The following KDM6A variants were observed in gnomAD, a reference collection of about 807,000 sequenced individuals.
KDM6A encodes lysine demethylase 6A.
Under a neutral mutation model 117.6 loss-of-function variants are expected in KDM6A, and 11 were observed. The observed-to-expected ratio is 0.09, with a 90% confidence interval of 0.06 to 0.15. The LOEUF is 0.15. KDM6A is among the 10% of genes least tolerant of loss of function. The probability of loss-of-function intolerance (pLI) is 1.00; values close to 1 mark genes in which losing one functional copy is unlikely to be tolerated. For missense variants in KDM6A, 799 were observed against 1,077.3 expected (o/e 0.74, Z 3.62); for synonymous variants, 384 against 396.1 (o/e 0.97, Z 0.36).
intron 9 of KDM6A, among the ~76,000 whole-genome samples, chrX:45,052,370 G>GT (rs780831073): frequency 1.2e-3 from 130 of 111,384 alleles, no homozygotes; most frequent in Non-Finnish European, 2.2e-3. Flanking sequence ...TATTTGGGTT[G>GT]TTTTTTCAGT....
In KDM6A at chrX:44,874,930, C is replaced by T. The variant is rs2031336328; in HGVS notation, c.225+943C>T. On this transcript the variant is annotated intron_variant, in intron 2 of 29. Transcript: ENST00000611820. Reference sequence around the variant, plus strand: ...ATAGAATTCTTATACCTTTCATAAGCTTGGAAGCAGCATGCATAAGCCTGG... The same window carrying T: ...ATAGAATTCTTATACCTTTCATAAGTTTGGAAGCAGCATGCATAAGCCTGG... 2.7e-5 allele frequency among the ~76,000 whole-genome samples: 3 copies of T among 112,185 alleles called. No homozygotes were observed. In the South Asian group the frequency reaches 1.1e-3, roughly 41 times the overall value.
chrX:45,031,832 C>T (rs990827543), intron 6 of KDM6A, among the ~76,000 whole-genome samples: 2 of 111,037 alleles, frequency 1.8e-5, no homozygotes, highest in African/African-American at 6.6e-5. Flanking sequence ...ATAGATTTCT[C>T]CCCCCTCCCC....
At chrX:45,083,427 G>A in intron 23 of KDM6A, 33 bp from the exon 24 acceptor site, 1 of 1,191,743 alleles carries the variant, frequency 8.4e-7, no homozygotes, top group Non-Finnish European at 1.1e-6. Flanking sequence ...ATTTGTAGCA[G>A]AGTTTCACTT....
intron 4 of KDM6A, among the ~76,000 whole-genome samples, chrX:44,994,651 ACAAGG>A (rs2040779217): frequency 8.9e-6 from 1 of 111,967 alleles, no homozygotes; most frequent in South Asian, 3.7e-4. Context: ...TTAATTCTCA[ACAAGG>A]CAAGGTACTT....
intron 4 of KDM6A, among the ~76,000 whole-genome samples, chrX:44,977,994 T>G (rs2039697163): frequency 8.9e-6 from 1 of 112,106 alleles, no homozygotes; most frequent in African/African-American, 3.2e-5. Flanking sequence ...GTTGCCCAGT[T>G]TGAGATTTGT....
intron 25 of KDM6A, among the ~76,000 whole-genome samples, chrX:45,088,258 A>G (rs2045732345): frequency 8.9e-6 from 1 of 112,492 alleles, no homozygotes; most frequent in Non-Finnish European, 1.9e-5. Flanking sequence ...CAGTTAGGCT[A>G]CCATTTGCAC....
intron 28 of KDM6A, 91 bp downstream of exon 28, chrX:45,107,627 CT>C (rs1390542935): frequency 1.1e-6 from 1 of 914,799 alleles, no homozygotes; most frequent in Admixed American, 2.6e-5. Context: ...CTTTTTTATA[CT>C]TTTATGTAAT....
At chrX:44,957,425 G>T (rs1291754904) in intron 2 of KDM6A, among the ~76,000 whole-genome samples, 2 of 112,224 alleles carry the variant, frequency 1.8e-5, no homozygotes, top group Non-Finnish European at 3.8e-5. Context: ...AATTAAATTA[G>T]TTACATGTCT....
At chrX:44,948,037 A>G (rs1368506989) in intron 2 of KDM6A, among the ~76,000 whole-genome samples, 2 of 111,780 alleles carry the variant, frequency 1.8e-5, no homozygotes, top group African/African-American at 6.5e-5. Context: ...TTAAGAACTT[A>G]AGAACTTTGT....
Position 45,035,003 on chromosome X carries a change from C to G in KDM6A, c.619+18C>G, listed in dbSNP as rs2147777822. 9.2e-7 allele frequency: 1 copy of G among 1,092,465 alleles called. No individual in the cohort carries two copies. Among genetic ancestry groups the G allele is most frequent in the South Asian group, 1.8e-5 (1 of 54,337 alleles). The allele number at this position is 1,092,465 out of a possible 1,213,427, so 90.0% of individuals were successfully genotyped here. A position where few individuals can be genotyped will look rare whatever the true frequency, so the allele number is the denominator to read the frequency against. ...TGCTGAAAGTAAGTATTATTAAGTA[C>G]TGTAGTTTTCTACATGTATTCCGAT... On this transcript the variant is annotated intron_variant, in intron 7 of 29. Transcript: ENST00000611820.
At position 45,089,943 on chromosome X, in the gene KDM6A, A is replaced by T. The variant is rs1159781168; in HGVS notation, c.3892+13A>T. ...GGTCCACTTACAGGTATTATAAAGAATATGCTTTAAAAAAGTTAATTTATA... is the reference window on the plus strand; with the variant it reads ...GGTCCACTTACAGGTATTATAAAGATTATGCTTTAAAAAAGTTAATTTATA... On this transcript the variant is annotated intron_variant, in intron 26 of 29. Coordinates refer to ENST00000611820, the MANE Select transcript of KDM6A (RefSeq NM_001291415.2). The T allele has an allele frequency of 2.5e-6, 3 of 1,190,724 alleles. No homozygotes were observed. Among genetic ancestry groups the T allele is most frequent in the Non-Finnish European group, 3.4e-6 (3 of 878,224 alleles).
chrX:44,894,586 T>C (rs2033641953), intron 2 of KDM6A, among the ~76,000 whole-genome samples: 1 of 109,322 alleles, frequency 9.1e-6, no homozygotes, highest in African/African-American at 3.3e-5. Flanking sequence ...TGTCTGTGAG[T>C]CTTAGGTTTG....
At chrX:44,930,011 G>A (rs1235224946) in intron 2 of KDM6A, among the ~76,000 whole-genome samples, 3 of 111,398 alleles carry the variant, frequency 2.7e-5, no homozygotes, top group African/African-American at 9.8e-5. Context: ...AATGTGTGGT[G>A]TAGTAGTATC....
intron 4 of KDM6A, among the ~76,000 whole-genome samples, chrX:45,005,378 T>G (rs1267878766): frequency 1.8e-5 from 2 of 110,881 alleles, no homozygotes; most frequent in African/African-American, 6.6e-5. Flanking sequence ...ACTTTTCATT[T>G]TGAGGTGCCA....
chrX:45,099,137 A>G lies in KDM6A; in HGVS notation c.4034+8273A>G, dbSNP rs750836508. Among the ~76,000 whole-genome samples the G allele has an allele frequency of 7.2e-5, 8 of 111,277 alleles. No homozygotes were observed. In the East Asian group the frequency reaches 2.3e-3, roughly 31 times the overall value. On this transcript the variant is annotated intron_variant, in intron 27 of 29. Coordinates refer to ENST00000611820, the MANE Select transcript of KDM6A (RefSeq NM_001291415.2). Reference sequence around the variant, plus strand: ...TATGAAAAAGTAATTTGCAGACATCATGACATATCACTTCAGATACTTCAT... The same window carrying G: ...TATGAAAAAGTAATTTGCAGACATCGTGACATATCACTTCAGATACTTCAT...
intron 2 of KDM6A, among the ~76,000 whole-genome samples, chrX:44,897,866 C>T (rs1367411900): frequency 9.0e-6 from 1 of 111,702 alleles, no homozygotes; most frequent in Admixed American, 9.6e-5. Context: ...ACCACAGCAC[C>T]TGGCCTATTC....
intron 2 of KDM6A, among the ~76,000 whole-genome samples, chrX:44,878,608 A>G (rs2031918527): frequency 1.8e-5 from 2 of 112,322 alleles, no homozygotes; most frequent in South Asian, 7.2e-4. Flanking sequence ...GCAGCAATAC[A>G]TAAACAGGCA....
intron 24 of KDM6A, among the ~76,000 whole-genome samples, chrX:45,083,898 G>A (rs777670298): frequency 8.9e-6 from 1 of 111,852 alleles, no homozygotes; most frequent in Non-Finnish European, 1.9e-5. Flanking sequence ...CCCATCTGTT[G>A]CAGAGAGTGA....
intron 4 of KDM6A, among the ~76,000 whole-genome samples, chrX:44,985,561 C>G (rs1214627228): frequency 3.6e-5 from 4 of 111,292 alleles, no homozygotes; most frequent in Non-Finnish European, 5.7e-5. Context: ...ATAGATTGCT[C>G]TTATTATTTT....
Sources: allele counts gnomAD v4.1 joint callset (sites outside exome capture counted in the v4.1 genomes callset), GRCh38; gene constraint gnomAD v4.1.1; transcripts MANE v1.5; gene names NCBI Gene and HGNC (gene_info 2026-07-23, HGNC 2026-07-21).